Variants in PLCB2 observed in about 807,000 individuals in gnomAD.
PLCB2 encodes the protein phospholipase C beta 2, also known as 1-phosphatidylinositol 4,5-bisphosphate phosphodiesterase beta-2.
PLCB2 carries 115 observed loss-of-function variants against 141.7 expected under a neutral mutation model. The observed-to-expected ratio is 0.81, with a 90% CI of 0.70 to 0.95. The LOEUF is 0.95. PLCB2 is among the 40% of genes least tolerant of loss of function. PLCB2 has a pLI of 0.00. For missense variants in PLCB2, 1,403 were observed against 1,541.1 expected, an observed-to-expected ratio of 0.91 and a Z score of 1.50; for synonymous variants, 603 against 595.6, an observed-to-expected ratio of 1.01 and a Z score of -0.18.
intron 17 of PLCB2, 68 bp from the exon 18 acceptor site, chr15:40,295,128 G>A (rs2040138909): frequency 1.2e-6 from 2 of 1,611,110 alleles, no homozygotes; most frequent in Non-Finnish European, 1.7e-6. Context: ...TTACCCTGGG[G>A]GCCCTGTCCC....
In PLCB2 at chr15:40,289,927, A is replaced by AAGAGAG. The variant is rs58167971; in HGVS notation, c.3267+92_3267+97dup. The AAGAGAG allele has an allele frequency of 6.1e-5, 33 of 544,402 alleles. No homozygotes were observed. In the African/African-American group the frequency reaches 7.7e-4, roughly 13 times the overall value. The allele number at this position is 544,402 out of a possible 1,614,324, so 33.7% of individuals were successfully genotyped here. ...CTGGGGCCACCCCTTCCTACTTGTG[A>AAGAGAG]AGAGAGAGAGAGAGAGAGAGAGAGA... On this transcript the variant is annotated intron_variant, in intron 30 of 31. Coordinates refer to ENST00000260402, the MANE Select transcript of PLCB2 (RefSeq NM_004573.3).
intron 31 of PLCB2, 45 bp from the exon 32 acceptor site, chr15:40,288,963 C>A (rs3743138): frequency 0.29 from 464,902 of 1,600,048 alleles, 72,227 homozygotes; most frequent in Non-Finnish European, 0.32. Flanking sequence ...GAGGGGCCTG[C>A]TGGCCACCCT....
At chr15:40,304,228 C>T in intron 1 of PLCB2, 150 bp from the exon 2 acceptor site, 1 of 615,482 alleles carries the variant, frequency 1.6e-6, no homozygotes, top group South Asian at 1.9e-5. Flanking sequence ...GAGCTAAGCA[C>T]CAGGAGGGAC....
rs1566882370 is a variant in PLCB2 at position 40,297,444 on chromosome 15, C to T, written c.1323+77G>A. On this transcript the variant is annotated intron_variant, in intron 13 of 31. Coordinates refer to ENST00000260402, the MANE Select transcript of PLCB2 (RefSeq NM_004573.3). The surrounding 1 kb of genome is among the most constrained non-coding windows in gnomAD (Gnocchi z 4.2). The stretch of plus-strand genomic sequence containing the variant: ...CCCTAGCATCCTCTGGGAGTGTCTC[C>T]CTCCCTAACCTGGTTCTCACCCTGC... The T allele has an allele frequency of 9.3e-7, 1 of 1,072,774 alleles. No individual in the cohort carries two copies. Among genetic ancestry groups the T allele is most frequent in the South Asian group, 1.3e-5 (1 of 79,428 alleles). 66.5% of individuals were successfully genotyped at this position (1,072,774 alleles called of 1,614,324 possible).
At position 40,289,238 on chromosome 15, in the gene PLCB2, G is replaced by A; in HGVS notation, c.3354+34C>T. ...CCCTTTACAACCCGGAACCCATTCA[G>A]TTCTGCTGGGGGTCCCAGTAGTGAA... On this transcript the variant is annotated intron_variant, in intron 31 of 31. Coordinates refer to ENST00000260402, the MANE Select transcript of PLCB2 (RefSeq NM_004573.3). 1.9e-6 allele frequency: 3 copies of A among 1,566,936 alleles called. No individual in the cohort carries two copies. In the South Asian group the frequency reaches 3.3e-5, roughly 17 times the overall value.
At chr15:40,301,520 GGTTCA>G in intron 7 of PLCB2, 1 of 702,854 alleles carries the variant, frequency 1.4e-6, no homozygotes, top group Non-Finnish European at 2.6e-6. Flanking sequence ...TTCCGCCTTT[GGTTCA>G]GTTCCTCTCC....
chr15:40,284,523 G>T (rs1271135568), downstream of PLCB2: 1 of 455,548 alleles, frequency 2.2e-6, no homozygotes, highest in Admixed American at 2.3e-5. Context: ...AAGGATGTGC[G>T]GGATCTGGCT....
At chr15:40,287,184 G>T (rs1004290025), downstream of PLCB2, among the ~76,000 whole-genome samples, 2 of 152,142 alleles carry the variant, frequency 1.3e-5, no homozygotes, top group African/African-American at 4.8e-5. Flanking sequence ...GGAGCAGGCT[G>T]ATCAATGCTA....
intron 18 of PLCB2, 73 bp downstream of exon 18, chr15:40,294,863 A>G (rs954266165): frequency 5.7e-6 from 9 of 1,590,622 alleles, no homozygotes; most frequent in Non-Finnish European, 6.0e-6. Context: ...TGTTCCAAAG[A>G]CCCCTCAAGG....
At chr15:40,290,892 A>G (rs2412506) in intron 27 of PLCB2, 55 bp from the exon 28 acceptor site, 1,330,838 of 1,352,802 alleles carry the variant, frequency 0.98, 655,042 homozygotes, top group South Asian at 1. Context: ...CAGAGGGAGT[A>G]CGGGGGGCGG....
Position 40,298,566 on chromosome 15 carries a change from CAGGT to C in PLCB2, c.989_992del (p.Tyr330Ter). The C allele has an allele frequency of 1.2e-6, 2 of 1,614,214 alleles. No individual in the cohort carries two copies. Among genetic ancestry groups the C allele is most frequent in the Non-Finnish European group, 1.7e-6 (2 of 1,180,030 alleles). On this transcript the variant is annotated frameshift_variant, in exon 10 of 32. Coordinates refer to ENST00000260402, the MANE Select transcript of PLCB2 (RefSeq NM_004573.3). LOFTEE classifies it high-confidence loss of function. ...ACCAATGTTATCAGGGCCCACCTGT[CAGGT>C]AGGTGTTGTGGGACGAGTTGATGAA... is the stretch of plus-strand genomic sequence containing the variant.
intron 31 of PLCB2, 82 bp from the exon 32 acceptor site, chr15:40,289,000 A>G: frequency 6.5e-7 from 1 of 1,546,322 alleles, no homozygotes; most frequent in Non-Finnish European, 8.7e-7. Context: ...GGAACAGGAG[A>G]TGCCCAATAT....
rs373559515 is a variant in PLCB2 at position 40,294,296 on chromosome 15, G to A, written c.2031C>T (p.Asp677=). ...QFNPFSVDRI[D]VVVATTLSIT... is the part of the protein sequence containing the mutation. ...TGGAAAGGGTGGTGGCCACCACCAC[G>A]TCGATGCGGTCCACTGAGAAGGGGT... Residue 677 remains aspartate, a synonymous_variant, in exon 19 of 32, where the codon GAC becomes GAT. Transcript: ENST00000260402. 109 of 1,614,006 alleles carry A rather than the reference G, an allele frequency of 6.8e-5. No individual in the cohort carries two copies. The highest frequency in any genetic ancestry group is 3.3e-4 in the East Asian group (15 of 44,886).
At chr15:40,298,415 A>G (rs757355260) in intron 10 of PLCB2, 35 bp from the exon 11 acceptor site, 2 of 1,571,834 alleles carry the variant, frequency 1.3e-6, no homozygotes, top group Non-Finnish European at 1.7e-6. Context: ...TGAGGGCATC[A>G]CCCAAAGGCA....
intron 7 of PLCB2, among the ~76,000 whole-genome samples, chr15:40,299,561 G>A (rs1293081971): frequency 1.3e-5 from 2 of 152,084 alleles, no homozygotes; most frequent in African/African-American, 2.4e-5. Context: ...TTAAGTGGAG[G>A]ACAAATATTC....
chr15:40,291,400 A>G lies in PLCB2; in HGVS notation c.2735T>C (p.Leu912Ser), dbSNP rs934122479. 12 of 1,535,784 alleles carry G rather than the reference A, an allele frequency of 7.8e-6. No homozygotes were observed. The African/African-American group carries it at 1.6e-4, about 21-fold the overall frequency. The change falls in exon 26 of 32, where the codon TTG (leucine) becomes TCG (serine). Residue 912 changes from leucine to serine, a missense_variant. By Grantham distance (145) the Leu-to-Ser change is moderately radical. Transcript: ENST00000260402. The stretch of plus-strand genomic sequence containing the variant: ...CCAGCGCCGCGCTCCGCGCCGCTCC[A>G]ACTCTCGCAGCTCCTTCTCGTGCCG... Reference protein sequence around the residue: ...QRRHEKELRELERRGARRWEE... With the variant: ...QRRHEKELRESERRGARRWEE...
chr15:40,291,683 T>C (rs1478517992), intron 24 of PLCB2, 33 bp from the exon 25 acceptor site: 1 of 1,610,842 alleles, frequency 6.2e-7, no homozygotes, highest in East Asian at 2.2e-5. Flanking sequence ...TGTCAGGTGC[T>C]CTGGGGGGCC....
chr15:40,284,540 G>T (rs2039581565), downstream of PLCB2: 1 of 455,160 alleles, frequency 2.2e-6, no homozygotes, highest in African/African-American at 2.0e-5. Context: ...GGCTGCAAAA[G>T]AAAGAAGGAA....
At position 40,297,922 on chromosome 15, in the gene PLCB2, G is replaced by T; in HGVS notation, c.1193C>A (p.Thr398Asn). Residue 398 changes from threonine to asparagine, a missense_variant, in exon 12 of 32, where the codon ACC becomes AAC. Physicochemically the swap from Thr to Asn is moderately conservative, Grantham distance 65. Around this residue, in one of 4 missense-constraint regions of PLCB2, gnomAD observed 975 missense variants for 1,141.1 expected, o/e 0.85. Coordinates refer to ENST00000260402, the MANE Select transcript of PLCB2 (RefSeq NM_004573.3). The surrounding 1 kb of genome is among the most constrained non-coding windows in gnomAD (Gnocchi z 4.2). ...IEAIAESAFKTSPYPIILSFE... is the reference protein window; with the variant it reads ...IEAIAESAFKNSPYPIILSFE... ...CGACAGGATGATGGGATAGGGGGAG[G>T]TCTTAAAGGCGCTTTCTGCAATAGC... 1 of 1,613,686 alleles carries T rather than the reference G, an allele frequency of 6.2e-7. No homozygotes were observed. The highest frequency in any genetic ancestry group is 8.5e-7 in the Non-Finnish European group (1 of 1,179,598).
Sources: allele counts gnomAD v4.1 joint callset (sites outside exome capture counted in the v4.1 genomes callset), GRCh38; gene constraint gnomAD v4.1.1; regional missense constraint gnomAD v4.1.1; non-coding constraint Gnocchi (gnomAD v3.1); transcripts MANE v1.5; gene names NCBI Gene and HGNC (gene_info 2026-07-23, HGNC 2026-07-21).